CCDC148: variants seen among roughly 807,000 people sequenced by gnomAD.
CCDC148 encodes coiled-coil domain containing 148.
Under a neutral mutation model 85.7 loss-of-function variants are expected in CCDC148, and 89 were observed. The ratio of observed to expected loss-of-function variants is 1.04; its 90% confidence interval spans 0.87 to 1.24. The LOEUF (loss-of-function observed/expected upper bound fraction) is 1.24, where lower values mean the gene tolerates loss of function less well. CCDC148 is among the 50% of genes most tolerant of loss of function. The pLI is 0.00. For synonymous variants in CCDC148, 230 were observed against 213.9 expected (o/e 1.08, Z -0.66); for missense variants, 692 against 671.7 (o/e 1.03, Z -0.33).
intron 2 of CCDC148, among the ~76,000 whole-genome samples, chr2:158,347,457 A>G (rs1471939637): frequency 1.3e-5 from 2 of 152,274 alleles, no homozygotes; most frequent in East Asian, 3.9e-4. Context: ...AATGAAAAAA[A>G]AAAGTCTTAA....
chr2:158,223,127 C>T lies in CCDC148; in HGVS notation c.1252-2414G>A, dbSNP rs571228093. Among the ~76,000 whole-genome samples the T allele has an allele frequency of 1.8e-4, 28 of 152,292 alleles. No individual in the cohort carries two copies. The South Asian group carries it at 3.9e-3, about 21-fold the overall frequency. The stretch of plus-strand genomic sequence containing the variant: ...TCGGGTCACTCCCACGCTAATACTG[C>T]GCTTTCCCAAAGGTTTTAGCAAAGG... On this transcript the variant is annotated intron_variant, in intron 10 of 13. Transcript: ENST00000283233.
At position 158,239,970 on chromosome 2, in the gene CCDC148, T is replaced by G. The variant is rs769242319; in HGVS notation, c.1251+10802A>C. Among the ~76,000 whole-genome samples the G allele has an allele frequency of 4.8e-4, 73 of 152,150 alleles. 1 individual carries two copies. The highest frequency in any genetic ancestry group is 1.6e-4 in the Non-Finnish European group (11 of 68,026). ...AGACTAATAACTAAATAAAAAATAC[T>G]CCCTTAAACTTTGCAAGATCACATG... On this transcript the variant is annotated intron_variant, in intron 10 of 13. Transcript: ENST00000283233.
intron 1 of CCDC148, among the ~76,000 whole-genome samples, chr2:158,368,568 C>T (rs1341148405): frequency 6.6e-6 from 1 of 152,030 alleles, no homozygotes; most frequent in Non-Finnish European, 1.5e-5. Context: ...AGAAATTGCT[C>T]ATGAATGTTA....
intron 11 of CCDC148, among the ~76,000 whole-genome samples, chr2:158,187,790 C>T (rs1003094928): frequency 2.0e-5 from 3 of 152,054 alleles, no homozygotes; most frequent in Admixed American, 6.6e-5. Context: ...TCTGAGAAAT[C>T]TGACTTCAAC....
At chr2:158,386,381 A>G (rs1685087544) in intron 1 of CCDC148, among the ~76,000 whole-genome samples, 1 of 152,142 alleles carries the variant, frequency 6.6e-6, no homozygotes, top group African/African-American at 2.4e-5. Flanking sequence ...AAGCTCACCA[A>G]GAAATGTTCA....
chr2:158,371,082 A>G (rs1171154635), intron 1 of CCDC148, among the ~76,000 whole-genome samples: 1 of 151,966 alleles, frequency 6.6e-6, no homozygotes, highest in East Asian at 1.9e-4. Flanking sequence ...AGCAGAGGCA[A>G]TAGCTATTTT....
At chr2:158,353,095 A>G (rs1338960220) in intron 2 of CCDC148, among the ~76,000 whole-genome samples, 1 of 151,854 alleles carries the variant, frequency 6.6e-6, no homozygotes, top group Non-Finnish European at 1.5e-5. Flanking sequence ...ACGGAAAAGA[A>G]CAACCGGTAC....
intron 2 of CCDC148, among the ~76,000 whole-genome samples, chr2:158,350,540 C>A (rs1349210001): frequency 6.6e-6 from 1 of 152,092 alleles, no homozygotes; most frequent in Non-Finnish European, 1.5e-5. Flanking sequence ...CACTTTTGGT[C>A]CAGATGTCCC....
At chr2:158,191,597 AC>A (rs1232643677) in intron 11 of CCDC148, among the ~76,000 whole-genome samples, 2 of 152,046 alleles carry the variant, frequency 1.3e-5, no homozygotes, top group African/African-American at 4.8e-5. Context: ...CTTTAAAAAA[AC>A]AAATGATAAA....
At chr2:158,327,104 A>G (rs1019835210) in intron 7 of CCDC148, among the ~76,000 whole-genome samples, 2 of 152,156 alleles carry the variant, frequency 1.3e-5, no homozygotes, top group African/African-American at 4.8e-5. Flanking sequence ...TACTGCAATG[A>G]ATAACTGTAA....
At chr2:158,454,151 A>T (rs892089755) in intron 1 of CCDC148, among the ~76,000 whole-genome samples, 1 of 152,248 alleles carries the variant, frequency 6.6e-6, no homozygotes, top group African/African-American at 2.4e-5. Context: ...CTTCAAAATC[A>T]TTTCAGTGGT....
At position 158,312,095 on chromosome 2, in the gene CCDC148, G is replaced by A. The variant is rs369497180; in HGVS notation, c.903+1661C>T. ...ACATTATTTAACCCCCAGGAGTTGTGAGAAAAGCAGCTAGCAAATGGGATA... is the reference window on the plus strand; with the variant it reads ...ACATTATTTAACCCCCAGGAGTTGTAAGAAAAGCAGCTAGCAAATGGGATA... On this transcript the variant is annotated intron_variant, in intron 8 of 13. Coordinates refer to ENST00000283233, the MANE Select transcript of CCDC148 (RefSeq NM_138803.4). Among the ~76,000 whole-genome samples, 19 of 152,268 alleles carry A rather than the reference G, an allele frequency of 1.2e-4. 2 individuals carry two copies. Among genetic ancestry groups the A allele is most frequent in the Admixed American group, 6.5e-4 (10 of 15,294 alleles).
intron 7 of CCDC148, among the ~76,000 whole-genome samples, chr2:158,337,249 G>C (rs1269171773): frequency 6.6e-6 from 1 of 152,136 alleles, no homozygotes; most frequent in African/African-American, 2.4e-5. Flanking sequence ...CTTTCTCAGG[G>C]AGATAAGGAA....
chr2:158,220,142 A>AT (rs1490180144), intron 11 of CCDC148, among the ~76,000 whole-genome samples: 1 of 151,296 alleles, frequency 6.6e-6, no homozygotes, highest in Non-Finnish European at 1.5e-5. Flanking sequence ...GAAATTCCAG[A>AT]TTTTTTTCAT....
intron 1 of CCDC148, among the ~76,000 whole-genome samples, chr2:158,397,587 T>G (rs1426500436): frequency 2.0e-5 from 3 of 152,128 alleles, no homozygotes; most frequent in Admixed American, 6.5e-5. Context: ...CTGAGAGATT[T>G]TTGTCACCAC....
chr2:158,182,608 C>T (rs747218204), intron 11 of CCDC148, among the ~76,000 whole-genome samples: 20 of 152,000 alleles, frequency 1.3e-4, no homozygotes, highest in Non-Finnish European at 2.6e-4. Context: ...TGCACAGAGC[C>T]GACCACAGTT....
At chr2:158,253,049 C>T (rs2105144060) in intron 9 of CCDC148, among the ~76,000 whole-genome samples, 1 of 151,820 alleles carries the variant, frequency 6.6e-6, no homozygotes, top group East Asian at 1.9e-4. Flanking sequence ...TATGTATACA[C>T]ATCAACATGA....
chr2:158,359,763 C>T (rs1683847624), intron 1 of CCDC148, among the ~76,000 whole-genome samples: 1 of 152,156 alleles, frequency 6.6e-6, no homozygotes, highest in South Asian at 2.1e-4. Flanking sequence ...ACAGCAGACA[C>T]CAAGCTAGCT....
At chr2:158,329,147 G>C (rs1692955287) in intron 7 of CCDC148, among the ~76,000 whole-genome samples, 1 of 152,228 alleles carries the variant, frequency 6.6e-6, no homozygotes, top group Non-Finnish European at 1.5e-5. Flanking sequence ...TATGGTTTTA[G>C]GTCAAACATT....
Sources: gnomAD v4.1 joint callset for allele counts (sites outside exome capture counted in the v4.1 genomes callset) on GRCh38, gnomAD v4.1.1 for gene constraint, MANE v1.5 for transcripts, NCBI Gene and HGNC (gene_info 2026-07-23, HGNC 2026-07-21) for gene names.